The following CUL4B variants were observed in gnomAD, a reference collection of about 807,000 sequenced individuals.
The protein encoded by CUL4B is cullin-4B.
A neutral mutation model predicts 69.2 loss-of-function variants in CUL4B; 1 was observed. That is an observed-to-expected ratio of 0.01 (90% CI 0.01 to 0.07). The LOEUF is 0.07. CUL4B is among the 10% of genes least tolerant of loss of function. The pLI is 1.00. For synonymous variants in CUL4B, 237 were observed against 223.2 expected (o/e 1.06, Z -0.55); for missense variants, 328 against 638.8 (o/e 0.51, Z 5.24).
intron 19 of CUL4B, among the ~76,000 whole-genome samples, chrX:120,529,408 T>C (rs1033938242): frequency 3.6e-5 from 4 of 111,632 alleles, no homozygotes; most frequent in African/African-American, 1.3e-4. Flanking sequence ...AAGATCAGCA[T>C]GGTGAAGTGA....
At chrX:120,545,023 G>A (rs1267730794) in intron 5 of CUL4B, among the ~76,000 whole-genome samples, 5 of 112,326 alleles carry the variant, frequency 4.5e-5, no homozygotes, top group Non-Finnish European at 9.4e-5. Context: ...TTTCAATACT[G>A]AAGAATCAGT....
In CUL4B at chrX:120,538,783, A is replaced by T. The variant is rs1365720922; in HGVS notation, c.1742-13T>A. 2 of 1,090,382 alleles carry T rather than the reference A, an allele frequency of 1.8e-6. No individual in the cohort carries two copies. The highest frequency in any genetic ancestry group is 2.5e-6 in the Non-Finnish European group (2 of 788,771). 89.9% of individuals were successfully genotyped at this position (1,090,382 alleles called of 1,213,427 possible). A position where few individuals can be genotyped will look rare whatever the true frequency, so the allele number is the denominator to read the frequency against. On this transcript the variant is annotated splice_polypyrimidine_tract_variant and intron_variant, in intron 12 of 19. Transcript: ENST00000371322. ...AAAACATCCTTGCCTATGTAAAAAGAAATGCAAAATTTATAATATTCCAAT... is the reference window on the plus strand; with the variant it reads ...AAAACATCCTTGCCTATGTAAAAAGTAATGCAAAATTTATAATATTCCAAT...
chrX:120,572,464 C>CA lies in CUL4B; in HGVS notation c.68-465dup, dbSNP rs66749436. ...CCTGAGCAACAAGAGCAAAACTCCT[C>CA]AAAAAAAAAAAAAAAAAAAGAAAAA... is the stretch of plus-strand genomic sequence containing the variant. On this transcript the variant is annotated intron_variant, in intron 2 of 2. Transcript: ENST00000486604. Among the ~76,000 whole-genome samples the CA allele has an allele frequency of 4.9e-3, 247 of 50,354 alleles. 4 individuals are homozygous for CA. In the South Asian group the frequency reaches 0.053, roughly 11 times the overall value. The allele number at this position is 50,354 out of a possible 115,157, so 43.7% of individuals were successfully genotyped here.
intron 11 of CUL4B, among the ~76,000 whole-genome samples, chrX:120,539,838 T>C (rs1923884132): frequency 1.8e-5 from 2 of 111,991 alleles, no homozygotes; most frequent in African/African-American, 3.2e-5. Context: ...TACGGATACA[T>C]AGTAGATAGG....
chrX:120,526,536 C>G lies in CUL4B; in HGVS notation c.*225G>C. 3.7e-6 allele frequency: 1 copy of G among 269,947 alleles called. No homozygotes were observed. Among genetic ancestry groups the G allele is most frequent in the East Asian group, 8.8e-5 (1 of 11,370 alleles). 22.2% of individuals were successfully genotyped at this position (269,947 alleles called of 1,213,427 possible). On this transcript the variant is annotated 3_prime_UTR_variant, in exon 20 of 20. Transcript: ENST00000371322. ...TCTTAAGTGTTTTCTGCACATCATACTAAATAACATGCAAAGAGTTCAACA... is the reference window on the plus strand; with the variant it reads ...TCTTAAGTGTTTTCTGCACATCATAGTAAATAACATGCAAAGAGTTCAACA...
At chrX:120,572,213 C>T (rs1449017520) in intron 2 of CUL4B, among the ~76,000 whole-genome samples, 7 of 109,512 alleles carry the variant, frequency 6.4e-5, no homozygotes, top group African/African-American at 2.3e-4. Context: ...CCTGTAATCC[C>T]AGCACTTTAG....
chrX:120,543,058 G>A, intron 8 of CUL4B, 25 bp from the exon 9 acceptor site: 1 of 1,057,914 alleles, frequency 9.5e-7, no homozygotes, highest in Non-Finnish European at 1.3e-6. Flanking sequence ...AAAAAGGTTA[G>A]TATTATTGAC....
At chrX:120,556,421 T>C (rs913270207) in intron 2 of CUL4B, among the ~76,000 whole-genome samples, 3 of 112,176 alleles carry the variant, frequency 2.7e-5, no homozygotes, top group Non-Finnish European at 5.6e-5. Flanking sequence ...TACCATCTTA[T>C]ATTTGTAAGA....
intron 2 of CUL4B, among the ~76,000 whole-genome samples, chrX:120,549,566 A>AAGAGC (rs889000627): frequency 9.0e-6 from 1 of 110,985 alleles, no homozygotes; most frequent in Non-Finnish European, 1.9e-5. Context: ...AAAAGAAGAG[A>AAGAGC]AGAGCAGAGC....
chrX:120,566,398 T>TAC (rs2147355741), upstream of CUL4B, among the ~76,000 whole-genome samples: 1 of 90,163 alleles, frequency 1.1e-5, no homozygotes, highest in Non-Finnish European at 2.2e-5. Context: ...TATGTATATA[T>TAC]ATTTGGGTTT....
chrX:120,574,329 G>A (rs765830120), intron 2 of CUL4B, among the ~76,000 whole-genome samples: 25 of 110,387 alleles, frequency 2.3e-4, no homozygotes, highest in Non-Finnish European at 4.4e-4. Flanking sequence ...TCCTGCCTAA[G>A]CCTCCTGAGT....
intron 19 of CUL4B, among the ~76,000 whole-genome samples, chrX:120,529,841 CTTGAAAAT>C (rs1457294628): frequency 9.0e-6 from 1 of 111,082 alleles, no homozygotes; most frequent in Non-Finnish European, 1.9e-5. Context: ...AGTGAATAAA[CTTGAAAAT>C]TTCAAACACT....
upstream of CUL4B, chrX:120,561,156 G>T: frequency 1.1e-6 from 1 of 915,442 alleles, no homozygotes; most frequent in Non-Finnish European, 1.5e-6. Context: ...GGTGAGGGAA[G>T]CGCTGCAGCC....
Position 120,526,443 on chromosome X carries a change from C to T in CUL4B, c.*318G>A. 1 of 201,825 alleles carries T rather than the reference C, an allele frequency of 5.0e-6. No homozygotes were observed. The highest frequency in any genetic ancestry group is 9.3e-6 in the Non-Finnish European group (1 of 107,568). The allele number at this position is 201,825 out of a possible 1,213,427, so 16.6% of individuals were successfully genotyped here. ...AATTAATGGTGTGTAAGAACCCTCC[C>T]CCCTTTTTAATAGCCACAGGGATCT... is the stretch of plus-strand genomic sequence containing the variant. On this transcript the variant is annotated 3_prime_UTR_variant, in exon 20 of 20. Transcript: ENST00000371322.
chrX:120,551,516 A>C (rs1305551103), intron 2 of CUL4B, among the ~76,000 whole-genome samples: 4 of 111,102 alleles, frequency 3.6e-5, no homozygotes, highest in African/African-American at 1.3e-4. Context: ...AACCTTTCAC[A>C]CATCCTTTGA....
chrX:120,530,085 A>G lies in CUL4B; in HGVS notation c.2592+17T>C, dbSNP rs1441011194. On this transcript the variant is annotated intron_variant, in intron 19 of 19. Transcript: ENST00000371322. ...TTATTTATAACACGCTCAATAGGAAAACACAGAAGTACCTACCTTTACTGG... is the reference window on the plus strand; with the variant it reads ...TTATTTATAACACGCTCAATAGGAAGACACAGAAGTACCTACCTTTACTGG... 2 of 1,204,197 alleles carry G rather than the reference A, an allele frequency of 1.7e-6. No individual in the cohort carries two copies. Among genetic ancestry groups the G allele is most frequent in the South Asian group, 3.5e-5 (2 of 56,676 alleles).
intron 4 of CUL4B, among the ~76,000 whole-genome samples, chrX:120,546,091 C>T (rs1248303592): frequency 9.0e-6 from 1 of 111,216 alleles, no homozygotes; most frequent in Non-Finnish European, 1.9e-5. Flanking sequence ...GAGATAAATA[C>T]ATTTTTGGTA....
chrX:120,543,181 A>T, intron 8 of CUL4B, 148 bp from the exon 9 acceptor site: 1 of 436,801 alleles, frequency 2.3e-6, no homozygotes, highest in Admixed American at 4.1e-5. Context: ...TGGTGCTCAG[A>T]GTTACTATAC....
At chrX:120,536,021 G>A (rs1305913336) in intron 15 of CUL4B, 78 bp from the exon 16 acceptor site, 2 of 740,994 alleles carry the variant, frequency 2.7e-6, no homozygotes, top group African/African-American at 2.1e-5. Context: ...TACCTCATGT[G>A]ATATAGTTTC....
Sources: gnomAD v4.1 joint callset for allele counts (sites outside exome capture counted in the v4.1 genomes callset) on GRCh38, gnomAD v4.1.1 for gene constraint, MANE v1.5 for transcripts, NCBI Gene and HGNC (gene_info 2026-07-23, HGNC 2026-07-21) for gene names.